Variants in DACT1 observed in about 807,000 individuals in gnomAD.
DACT1 encodes dishevelled binding antagonist of beta catenin 1, also known as dapper homolog 1.
DACT1 carries 19 observed loss-of-function variants against 35.3 expected under a neutral mutation model. The observed-to-expected ratio is 0.54, with a 90% CI of 0.38 to 0.79. The LOEUF is 0.79. Among genes scored for constraint, DACT1 ranks in the 30% least tolerant of loss-of-function variants. The probability of loss-of-function intolerance (pLI) is 0.00; values close to 1 mark genes in which losing one functional copy is unlikely to be tolerated. For missense variants in DACT1, 1,143 were observed against 1,057.5 expected (o/e 1.08, Z -1.12); for synonymous variants, 545 against 466.7 (o/e 1.17, Z -2.16).
upstream of DACT1, among the ~76,000 whole-genome samples, chr14:58,637,848 A>G (rs570434088): frequency 3.3e-5 from 5 of 150,814 alleles, no homozygotes; most frequent in Non-Finnish European, 7.4e-5. Context: ...CGCGCCTGAC[A>G]GAGGAGGGGA....
chr14:58,638,602 G>T, intron 1 of DACT1, 55 bp downstream of exon 1: 1 of 1,294,940 alleles, frequency 7.7e-7, no homozygotes, highest in East Asian at 2.9e-5. Context: ...GCTGGAGGTC[G>T]GGCAGGTGGC....
chr14:58,646,468 A>T lies in DACT1; in HGVS notation c.1734A>T (p.Pro578=), dbSNP rs767754312. The T allele has an allele frequency of 7.0e-6, 11 of 1,575,052 alleles. No homozygotes were observed. Among genetic ancestry groups the T allele is most frequent in the Non-Finnish European group, 9.4e-6 (11 of 1,164,320 alleles). ...CCGGGAGCAAGAAGTGTCGCTTCCC[A>T]GATGACTTGGATACAAATAAGAAAC... ...TRAGSKKCRF[P]DDLDTNKKLK... is the part of the protein sequence containing the mutation. The change falls in exon 4 of 4, where the codon CCA becomes CCT. Residue 578 remains proline, a synonymous_variant. Coordinates refer to ENST00000395153, the MANE Select transcript of DACT1 (RefSeq NM_001079520.2).
At chr14:58,642,551 G>A (rs970116968) in intron 3 of DACT1, among the ~76,000 whole-genome samples, 3 of 151,648 alleles carry the variant, frequency 2.0e-5, no homozygotes, top group African/African-American at 4.8e-5. Context: ...AAAATCGGCC[G>A]GGTGTGGCAG....
At chr14:58,640,701 G>C (rs1015013563) in intron 1 of DACT1, 35 bp from the exon 2 acceptor site, 5 of 1,612,980 alleles carry the variant, frequency 3.1e-6, no homozygotes, top group Non-Finnish European at 4.2e-6. Flanking sequence ...TGTCACCCCT[G>C]TATGTTCATG....
intron 1 of DACT1, among the ~76,000 whole-genome samples, chr14:58,640,023 T>G (rs1334931294): frequency 6.6e-6 from 1 of 152,266 alleles, no homozygotes; most frequent in Non-Finnish European, 1.5e-5. Flanking sequence ...TTTGTAGACT[T>G]GGCATTCATG....
intron 3 of DACT1, among the ~76,000 whole-genome samples, chr14:58,643,993 A>G (rs2140216719): frequency 6.6e-6 from 1 of 152,304 alleles, no homozygotes; most frequent in African/African-American, 2.4e-5. Flanking sequence ...TTATCATTGA[A>G]GTTTATGGAG....
At chr14:58,636,449 G>T (rs1296917576), upstream of DACT1, among the ~76,000 whole-genome samples, 1 of 152,190 alleles carries the variant, frequency 6.6e-6, no homozygotes, top group Non-Finnish European at 1.5e-5. Flanking sequence ...CTTTCATAAT[G>T]TAGATGGAGA....
chr14:58,642,471 GA>G (rs199540754), intron 3 of DACT1, among the ~76,000 whole-genome samples: 36 of 142,908 alleles, frequency 2.5e-4, no homozygotes, highest in African/African-American at 7.7e-4. Context: ...GCGGCAGAGA[GA>G]AAAAAAAAAC....
chr14:58,643,524 G>T (rs2047646662), intron 3 of DACT1, among the ~76,000 whole-genome samples: 1 of 152,186 alleles, frequency 6.6e-6, no homozygotes, highest in Admixed American at 6.5e-5. Context: ...GCACAGAACT[G>T]TGTTATCTAG....
upstream of DACT1, among the ~76,000 whole-genome samples, chr14:58,635,715 G>A (rs1169303747): frequency 1.3e-5 from 2 of 152,178 alleles, no homozygotes; most frequent in East Asian, 1.9e-4. Context: ...GGGAGGTTTG[G>A]AGACATAGCG....
At position 58,647,238 on chromosome 14, in the gene DACT1, T is replaced by C. The variant is rs1192573234; in HGVS notation, c.*104T>C. On this transcript the variant is annotated 3_prime_UTR_variant, in exon 4 of 4. Transcript: ENST00000395153. ...ATTTTTGTATAATACTTTAATGGAA[T>C]GCTTTTTAAAAAAATATAAAACCAA... 3 of 1,351,110 alleles carry C rather than the reference T, an allele frequency of 2.2e-6. No individual in the cohort carries two copies. The highest frequency in any genetic ancestry group is 3.1e-6 in the Non-Finnish European group (3 of 976,562). The allele number at this position is 1,351,110 out of a possible 1,614,324, so 83.7% of individuals were successfully genotyped here.
In DACT1 at chr14:58,645,797, C is replaced by T. The variant is rs201552755; in HGVS notation, c.1063C>T (p.Leu355Phe). ...TGTCTCACAGGGCAACAGTGTGAAC[C>T]TTAAGAATTCGAAACAGGCGTGTCT... ...GGVSQGNSVNLKNSKQACLPS... is the reference protein window; with the variant it reads ...GGVSQGNSVNFKNSKQACLPS... The change falls in exon 4 of 4, where the codon CTT becomes TTT. Residue 355 changes from leucine (L) to phenylalanine (F), a missense_variant. Transcript: ENST00000395153. 1 of 1,614,266 alleles carries T rather than the reference C, an allele frequency of 6.2e-7. No homozygotes were observed. The highest frequency in any genetic ancestry group is 1.7e-5 in the Admixed American group (1 of 60,036).
intron 1 of DACT1, among the ~76,000 whole-genome samples, chr14:58,640,294 G>A (rs1212965085): frequency 6.6e-6 from 1 of 152,176 alleles, no homozygotes; most frequent in East Asian, 1.9e-4. Context: ...AAACTCTGCA[G>A]GCCAAGACAT....
At chr14:58,635,128 G>C (rs1341427127), upstream of DACT1, among the ~76,000 whole-genome samples, 2 of 152,182 alleles carry the variant, frequency 1.3e-5, no homozygotes, top group African/African-American at 4.8e-5. Flanking sequence ...AGCACTAGTG[G>C]AGGAAGAAGT....
chr14:58,637,446 T>G (rs1424537538), upstream of DACT1, among the ~76,000 whole-genome samples: 1 of 152,370 alleles, frequency 6.6e-6, no homozygotes, highest in East Asian at 1.9e-4. Context: ...AACCCCACAG[T>G]GTCTGTGAAT....
In DACT1 at chr14:58,646,700, A is replaced by T; in HGVS notation, c.1966A>T (p.Arg656Trp). ...AEISYEEALRRARRGRRENVG... is the reference protein window; with the variant it reads ...AEISYEEALRWARRGRRENVG... ...GATTTCCTACGAAGAGGCCCTGAGGAGGGCCCGGCGCGGTCGCCGGGAGAA... is the reference window on the plus strand; with the variant it reads ...GATTTCCTACGAAGAGGCCCTGAGGTGGGCCCGGCGCGGTCGCCGGGAGAA... The change falls in exon 4 of 4, where the codon AGG becomes TGG. Residue 656 changes from arginine to tryptophan, a missense_variant. By Grantham distance (101) the Arg-to-Trp change is moderately radical. Transcript: ENST00000395153. 1 of 1,613,164 alleles carries T rather than the reference A, an allele frequency of 6.2e-7. No individual in the cohort carries two copies. The highest frequency in any genetic ancestry group is 1.1e-5 in the South Asian group (1 of 91,064).
chr14:58,647,135 G>A lies in DACT1; in HGVS notation c.*1G>A, dbSNP rs779863702. 7 of 1,613,136 alleles carry A rather than the reference G, an allele frequency of 4.3e-6. No individual in the cohort carries two copies. The highest frequency in any genetic ancestry group is 5.9e-6 in the Non-Finnish European group (7 of 1,179,840). On this transcript the variant is annotated 3_prime_UTR_variant, in exon 4 of 4. Transcript: ENST00000395153. ...TTTGAAACTGATGACGACGGTTTGA[G>A]TGACATCATTGGTGTAGAAAGTTTG... is the stretch of plus-strand genomic sequence containing the variant.
At chr14:58,635,355 C>T (rs2140208760), upstream of DACT1, among the ~76,000 whole-genome samples, 1 of 152,304 alleles carries the variant, frequency 6.6e-6, no homozygotes, top group African/African-American at 2.4e-5. Context: ...ATAGGGGCAA[C>T]CCAGCCTGTC....
rs2047688064 is a variant in DACT1, at chr14:58,646,585, G to A, written c.1851G>A (p.Gly617=). Residue 617 remains glycine (G), a synonymous_variant, in exon 4 of 4, where the codon GGG becomes GGA. Transcript: ENST00000395153. The stretch of plus-strand genomic sequence containing the variant: ...CCGCGGGCGGGGGCCACAGGGCGGG[G>A]AGCAGGGCGCATGGCCACGGACGGG... ...GRPAGGGHRA[G]SRAHGHGREA... 6.3e-7 allele frequency: 1 copy of A among 1,581,518 alleles called. No individual in the cohort carries two copies. The highest frequency in any genetic ancestry group is 1.4e-5 in the African/African-American group (1 of 74,020).
Sources: allele counts gnomAD v4.1 joint callset (sites outside exome capture counted in the v4.1 genomes callset), GRCh38; gene constraint gnomAD v4.1.1; transcripts MANE v1.5; gene names NCBI Gene and HGNC (gene_info 2026-07-23, HGNC 2026-07-21).